SEPTIN10: variants seen among roughly 807,000 people sequenced by gnomAD.
SEPTIN10 encodes the protein septin 10.
SEPTIN10 carries 66 observed loss-of-function variants against 54.8 expected under a neutral mutation model. The ratio of observed to expected loss-of-function variants is 1.21; its 90% CI spans 0.99 to 1.48. The LOEUF (loss-of-function observed/expected upper bound fraction) is 1.48. Ranked by LOEUF, SEPTIN10 falls within the 40% of genes most tolerant of loss-of-function variation. The probability of loss-of-function intolerance (pLI) is 0.00; values close to 1 mark genes in which losing one functional copy is unlikely to be tolerated. For missense variants in SEPTIN10, 620 were observed against 545.6 expected (o/e 1.14, Z -1.36); for synonymous variants, 161 against 181.0 (o/e 0.89, Z 0.89).
At chr2:109,578,584 G>T (rs2903537) in intron 4 of SEPTIN10, among the ~76,000 whole-genome samples, 135,179 of 152,078 alleles carry the variant, frequency 0.89, 60,153 homozygotes, top group Middle Eastern at 0.97. Flanking sequence ...CTGGCCAACA[G>T]GGCGAAACCC....
chr2:109,584,584 G>T (rs965710294), intron 4 of SEPTIN10, among the ~76,000 whole-genome samples: 3 of 151,470 alleles, frequency 2.0e-5, no homozygotes, highest in African/African-American at 7.3e-5. Flanking sequence ...ATTTGATAGA[G>T]CATAGAATCT....
intron 5 of SEPTIN10, among the ~76,000 whole-genome samples, chr2:109,569,268 A>C (rs1453376722): frequency 6.6e-6 from 1 of 152,054 alleles, no homozygotes; most frequent in Non-Finnish European, 1.5e-5. Flanking sequence ...ATCTCCACTA[A>C]AAATACAAAA....
intron 5 of SEPTIN10, 132 bp from the exon 6 acceptor site, chr2:109,568,108 C>T (rs749777996): frequency 4.6e-5 from 30 of 645,262 alleles, no homozygotes; most frequent in African/African-American, 9.1e-5. Context: ...TGGCAAACTA[C>T]GGTCCATCTC....
chr2:109,569,274 C>A (rs1302184589), intron 5 of SEPTIN10, among the ~76,000 whole-genome samples: 2 of 151,900 alleles, frequency 1.3e-5, no homozygotes, highest in Non-Finnish European at 2.9e-5. Flanking sequence ...ACTAAAAATA[C>A]AAAATAATTA....
At position 109,561,144 on chromosome 2, in the gene SEPTIN10, C is replaced by T. The variant is rs530700165; in HGVS notation, c.1028+3222G>A. ...CTGCCTGTTCTCTTCTCTCATCTCACGTGAGCCCAGGCCTGCCTCATCTGT... is the reference window on the plus strand; with the variant it reads ...CTGCCTGTTCTCTTCTCTCATCTCATGTGAGCCCAGGCCTGCCTCATCTGT... On this transcript the variant is annotated intron_variant, in intron 8 of 10. Coordinates refer to ENST00000397712, the MANE Select transcript of SEPTIN10 (RefSeq NM_144710.5). Among the ~76,000 whole-genome samples the T allele has an allele frequency of 4.6e-5, 7 of 152,308 alleles. 1 individual carries two copies. Among genetic ancestry groups the T allele is most frequent in the African/African-American group, 1.4e-4 (6 of 41,570 alleles).
rs1323481585 is a variant in SEPTIN10 at position 109,544,256 on chromosome 2, T to A, written c.*53A>T. ...AAATCAAAGCACACTTCTAGTTTTT[T>A]TTTAATAAAGTTTGCTTGTGATGAT... On this transcript the variant is annotated 3_prime_UTR_variant, in exon 11 of 11. Transcript: ENST00000397712. 6.2e-7 allele frequency: 1 copy of A among 1,613,124 alleles called. No individual in the cohort carries two copies. The highest frequency in any genetic ancestry group is 8.5e-7 in the Non-Finnish European group (1 of 1,179,804).
At chr2:109,568,878 T>C (rs61215808) in intron 5 of SEPTIN10, among the ~76,000 whole-genome samples, 48,341 of 151,908 alleles carry the variant, frequency 0.32, 7,930 homozygotes, top group Admixed American at 0.42. Flanking sequence ...TTAAAAGTGT[T>C]CATGATGCAA....
intron 5 of SEPTIN10, among the ~76,000 whole-genome samples, chr2:109,569,562 G>T (rs1687884115): frequency 6.6e-6 from 1 of 151,850 alleles, no homozygotes; most frequent in Non-Finnish European, 1.5e-5. Context: ...CCCAAGGAGA[G>T]AAATTTTTTC....
chr2:109,588,424 A>G (rs1693100164), intron 2 of SEPTIN10, among the ~76,000 whole-genome samples: 1 of 152,214 alleles, frequency 6.6e-6, no homozygotes, highest in Non-Finnish European at 1.5e-5. Flanking sequence ...AAAATGTATA[A>G]GAAACACAAA....
At chr2:109,608,363 G>A (rs758160701) in intron 1 of SEPTIN10, among the ~76,000 whole-genome samples, 13 of 152,100 alleles carry the variant, frequency 8.5e-5, no homozygotes, top group South Asian at 2.1e-4. Context: ...TATGTAACAC[G>A]CACTCTAAGA....
At chr2:109,584,856 A>C (rs1692104032) in intron 4 of SEPTIN10, among the ~76,000 whole-genome samples, 1 of 152,206 alleles carries the variant, frequency 6.6e-6, no homozygotes, top group Non-Finnish European at 1.5e-5. Flanking sequence ...CTGAATTTGC[A>C]TGTCAGGAAA....
At chr2:109,544,419 C>A in intron 10 of SEPTIN10, 95 bp from the exon 11 acceptor site, 9 of 1,433,930 alleles carry the variant, frequency 6.3e-6, no homozygotes, top group South Asian at 3.4e-5. Flanking sequence ...GGATATCTGG[C>A]CATGGGACTT....
chr2:109,564,845 A>G (rs906820621), intron 7 of SEPTIN10, among the ~76,000 whole-genome samples: 1 of 152,256 alleles, frequency 6.6e-6, no homozygotes, highest in African/African-American at 2.4e-5. Context: ...TTTCACACTA[A>G]TATTTTGTTA....
intron 8 of SEPTIN10, among the ~76,000 whole-genome samples, chr2:109,562,530 TA>T (rs67215686): frequency 0.064 from 9,783 of 152,190 alleles, 745 homozygotes; most frequent in East Asian, 0.24. Flanking sequence ...GCTGAATGAC[TA>T]AGAATTCTGA....
At chr2:109,599,648 C>T (rs1287782009) in intron 1 of SEPTIN10, among the ~76,000 whole-genome samples, 1 of 152,002 alleles carries the variant, frequency 6.6e-6, no homozygotes, top group Non-Finnish European at 1.5e-5. Flanking sequence ...CCAACAAATA[C>T]ATCAAAAGTT....
At chr2:109,604,664 T>C (rs1021375441) in intron 1 of SEPTIN10, among the ~76,000 whole-genome samples, 1 of 146,436 alleles carries the variant, frequency 6.8e-6, no homozygotes, top group Non-Finnish European at 1.5e-5. Context: ...GAGGCGGAGC[T>C]TACAGTGAGC....
At chr2:109,594,568 G>C (rs1694866092) in intron 1 of SEPTIN10, 2 of 151,350 alleles carry the variant, frequency 1.3e-5, no homozygotes, top group South Asian at 2.1e-4. Flanking sequence ...ATACTACAGT[G>C]TGGTGTATAC....
chr2:109,544,797 G>C (rs896571823), intron 10 of SEPTIN10: 1 of 769,506 alleles, frequency 1.3e-6, no homozygotes, highest in African/African-American at 1.9e-5. Context: ...AAAAATAATT[G>C]CATGCCTACT....
At chr2:109,609,700 A>G (rs192564261) in intron 1 of SEPTIN10, among the ~76,000 whole-genome samples, 2 of 152,282 alleles carry the variant, frequency 1.3e-5, no homozygotes, top group Admixed American at 1.3e-4. Context: ...AGCCTCTTAG[A>G]TACGAAAATT....
Sources: gnomAD v4.1 joint callset for allele counts (sites outside exome capture counted in the v4.1 genomes callset) on GRCh38, gnomAD v4.1.1 for gene constraint, MANE v1.5 for transcripts, NCBI Gene and HGNC (gene_info 2026-07-23, HGNC 2026-07-21) for gene names.